CDH23: variants seen among roughly 807,000 people sequenced by gnomAD.
The protein encoded by CDH23 is cadherin-23.
In CDH23, 189 loss-of-function variants were observed where a neutral mutation model predicts 317.1. The ratio of observed to expected loss-of-function variants is 0.60; its 90% CI spans 0.53 to 0.67. The LOEUF (loss-of-function observed/expected upper bound fraction) is 0.67, where lower values mean the gene tolerates loss of function less well. CDH23 is among the 30% of genes least tolerant of loss of function. The pLI, the probability that CDH23 is intolerant of heterozygous loss-of-function variation, is 0.00. For synonymous variants in CDH23, 1,839 were observed against 1,876.8 expected (o/e 0.98, Z 0.52); for missense variants, 4,401 against 4,592.4 (o/e 0.96, Z 1.20).
chr10:71,581,558 C>A (rs2132412995), intron 9 of CDH23, among the ~76,000 whole-genome samples: 1 of 152,366 alleles, frequency 6.6e-6, no homozygotes, highest in South Asian at 2.1e-4. Flanking sequence ...TTCCCCATTA[C>A]TAATGACCCC....
At chr10:71,410,813 G>A (rs1394840534) in intron 1 of CDH23, among the ~76,000 whole-genome samples, 1 of 152,146 alleles carries the variant, frequency 6.6e-6, no homozygotes, top group African/African-American at 2.4e-5. Flanking sequence ...TATAGTTAAT[G>A]TGTTTCTCTT....
chr10:71,730,539 G>A lies in CDH23; in HGVS notation c.3650G>A (p.Gly1217Glu). 6.2e-7 allele frequency: 1 copy of A among 1,613,960 alleles called. No individual in the cohort carries two copies. Among genetic ancestry groups the A allele is most frequent in the Non-Finnish European group, 8.5e-7 (1 of 1,179,886 alleles). The change falls in exon 31 of 70, where the codon GGG (glycine) becomes GAG (glutamate). Residue 1217 changes from glycine to glutamate, a missense_variant. By Grantham distance (98) the Gly-to-Glu change is moderately conservative (BLOSUM62 -2). Transcript: ENST00000224721. ...VFTQQQYSRLGLRETAGIGTS... is the reference protein window; with the variant it reads ...VFTQQQYSRLELRETAGIGTS... ...ACACAGCAGCAGTACAGCCGTCTGGGGCTTCGAGAGACCGCAGGCATTGGA... is the reference window on the plus strand; with the variant it reads ...ACACAGCAGCAGTACAGCCGTCTGGAGCTTCGAGAGACCGCAGGCATTGGA...
At chr10:71,463,792 G>A (rs1380661347) in intron 3 of CDH23, among the ~76,000 whole-genome samples, 1 of 152,186 alleles carries the variant, frequency 6.6e-6, no homozygotes, top group Non-Finnish European at 1.5e-5. Flanking sequence ...TTCTCATTCT[G>A]TGTCTCTCCA....
intron 6 of CDH23, among the ~76,000 whole-genome samples, chr10:71,559,742 C>G (rs1005911561): frequency 3.3e-5 from 5 of 152,232 alleles, no homozygotes; most frequent in Non-Finnish European, 7.3e-5. Context: ...GGCCACAGAG[C>G]TGGCAGCCCA....
chr10:71,762,490 C>T (rs1231734577), intron 38 of CDH23, among the ~76,000 whole-genome samples: 1 of 152,268 alleles, frequency 6.6e-6, no homozygotes, highest in African/African-American at 2.4e-5. Context: ...TAAGAGAGCA[C>T]CTGCGTGTGC....
chr10:71,453,970 GC>G (rs757752690), intron 3 of CDH23, among the ~76,000 whole-genome samples: 3 of 152,220 alleles, frequency 2.0e-5, no homozygotes, highest in Non-Finnish European at 4.4e-5. Context: ...AATAATAAGT[GC>G]CCAGGAGAAA....
At chr10:71,536,401 G>A (rs1855703673) in intron 6 of CDH23, among the ~76,000 whole-genome samples, 1 of 152,216 alleles carries the variant, frequency 6.6e-6, no homozygotes, top group Non-Finnish European at 1.5e-5. Context: ...AGGGAGGGGT[G>A]GGCTGCGAAC....
At chr10:71,562,606 G>T (rs1471499176) in intron 6 of CDH23, among the ~76,000 whole-genome samples, 1 of 152,234 alleles carries the variant, frequency 6.6e-6, no homozygotes, top group African/African-American at 2.4e-5. Flanking sequence ...GTTCTGGGGG[G>T]CAGGAGCAAG....
intron 11 of CDH23, among the ~76,000 whole-genome samples, chr10:71,628,090 A>G (rs1861833868): frequency 6.6e-6 from 1 of 152,182 alleles, no homozygotes; most frequent in Non-Finnish European, 1.5e-5. Flanking sequence ...CCTGTCTTGA[A>G]CAAGGCTGCA....
intron 8 of CDH23, among the ~76,000 whole-genome samples, chr10:71,574,996 A>G (rs1236954411): frequency 7.3e-5 from 11 of 149,758 alleles, no homozygotes; most frequent in Non-Finnish European, 1.5e-5. Context: ...ATCCCTGAGC[A>G]CTCTGAGCCT....
chr10:71,486,800 C>T (rs1177206195), intron 3 of CDH23, among the ~76,000 whole-genome samples: 2 of 152,120 alleles, frequency 1.3e-5, no homozygotes, highest in African/African-American at 2.4e-5. Context: ...GTGCAGGAGG[C>T]TTACGGGGGT....
At chr10:71,530,564 G>GT (rs1019393550) in intron 6 of CDH23, among the ~76,000 whole-genome samples, 19 of 152,190 alleles carry the variant, frequency 1.2e-4, no homozygotes, top group Non-Finnish European at 2.4e-4. Flanking sequence ...GTGAGGCTAG[G>GT]TCTCTCGAGG....
chr10:71,588,645 C>G (rs531080978), intron 9 of CDH23, among the ~76,000 whole-genome samples: 1 of 152,268 alleles, frequency 6.6e-6, no homozygotes, highest in Non-Finnish European at 1.5e-5. Flanking sequence ...TCGTGGCCTT[C>G]CTCCATGTCT....
intron 38 of CDH23, among the ~76,000 whole-genome samples, chr10:71,757,835 G>A (rs192767397): frequency 6.6e-6 from 1 of 152,310 alleles, no homozygotes; most frequent in African/African-American, 2.4e-5. Flanking sequence ...ATTCTGCTGC[G>A]CTGGGGGGTG....
chr10:71,492,811 T>C (rs1852738347), intron 3 of CDH23, among the ~76,000 whole-genome samples: 1 of 151,986 alleles, frequency 6.6e-6, no homozygotes, highest in Non-Finnish European at 1.5e-5. Context: ...CAGGGCGGGG[T>C]GTGCTGCGCT....
intron 38 of CDH23, among the ~76,000 whole-genome samples, chr10:71,760,260 TGTATATAC>T (rs1840336482): frequency 8.8e-6 from 1 of 113,986 alleles, no homozygotes; most frequent in Non-Finnish European, 1.9e-5. Context: ...TGTATATATA[TGTATATAC>T]ATATATATGT....
chr10:71,503,164 G>A (rs1345134781), intron 3 of CDH23, among the ~76,000 whole-genome samples: 4 of 152,358 alleles, frequency 2.6e-5, no homozygotes, highest in African/African-American at 9.6e-5. Flanking sequence ...TGTGCCACCA[G>A]CTTTGCAACT....
intron 3 of CDH23, among the ~76,000 whole-genome samples, chr10:71,449,857 A>T (rs1267885887): frequency 6.6e-6 from 1 of 152,210 alleles, no homozygotes; most frequent in Non-Finnish European, 1.5e-5. Context: ...GAAATCCCTC[A>T]CAGAGCCTAC....
chr10:71,812,126 C>A, intron 66 of CDH23, 111 bp downstream of exon 66: 1 of 1,601,890 alleles, frequency 6.2e-7, no homozygotes, highest in Non-Finnish European at 8.5e-7. Context: ...AGGCTGTGGG[C>A]GCCCCCTGGT....
Sources: gnomAD v4.1 joint callset for allele counts (sites outside exome capture counted in the v4.1 genomes callset) on GRCh38, gnomAD v4.1.1 for gene constraint, MANE v1.5 for transcripts, NCBI Gene and HGNC (gene_info 2026-07-23, HGNC 2026-07-21) for gene names.